The following KCNH6 variants were observed in gnomAD, a reference collection of about 807,000 sequenced individuals.
The protein encoded by KCNH6 is potassium voltage-gated channel subfamily H member 6.
KCNH6 carries 81 observed loss-of-function variants against 83.4 expected under a neutral mutation model. That is an observed-to-expected ratio of 0.97 (90% CI 0.81 to 1.17). The LOEUF is 1.17. Among genes scored for constraint, KCNH6 ranks in the 50% most tolerant of loss-of-function variants. The pLI, the probability that KCNH6 is intolerant of heterozygous loss-of-function variation, is 0.00. For missense variants in KCNH6, 1,203 were observed against 1,290.5 expected, an observed-to-expected ratio of 0.93 and a Z score of 1.04; for synonymous variants, 503 against 545.6, an observed-to-expected ratio of 0.92 and a Z score of 1.09.
rs1477137391 is a variant in KCNH6, at chr17:63,523,419, G to A, written c.6G>A (p.Pro2=). The A allele has an allele frequency of 1.3e-6, 2 of 1,594,430 alleles. No individual in the cohort carries two copies. Among genetic ancestry groups the A allele is most frequent in the East Asian group, 2.4e-5 (1 of 41,912 alleles). Residue 2 remains proline (P), a synonymous_variant, in exon 1 of 13, where the codon CCG becomes CCA. Transcript: ENST00000314672. This position sits in a 1 kb window ranked among gnomAD's most constrained non-coding sequence, Gnocchi z 4.2. ...GCAGGGGCCGCGGCCGAAAGATGCC[G>A]GTCCGCAGGGGCCACGTCGCTCCCC... M[P]VRRGHVAPQN...
At position 63,523,592 on chromosome 17, in the gene KCNH6, G is replaced by A; in HGVS notation, c.76+103G>A. The stretch of plus-strand genomic sequence containing the variant: ...AACTTCTAACCGGGCAAGGTGGTGA[G>A]TGCCGGGTGCTGAATGAAAAATCCT... On this transcript the variant is annotated intron_variant, in intron 1 of 12. Coordinates refer to ENST00000314672, the MANE Select transcript of KCNH6 (RefSeq NM_001278919.2). The surrounding 1 kb of genome is among the most constrained non-coding windows in gnomAD (Gnocchi z 4.2). The A allele has an allele frequency of 2.0e-6, 2 of 1,020,824 alleles. No individual in the cohort carries two copies. Among genetic ancestry groups the A allele is most frequent in the Non-Finnish European group, 2.8e-6 (2 of 710,982 alleles). 63.2% of individuals were successfully genotyped at this position (1,020,824 alleles called of 1,614,324 possible). A position where few individuals can be genotyped will look rare whatever the true frequency, so the allele number is the denominator to read the frequency against.
Position 63,535,676 on chromosome 17 carries a change from C to T in KCNH6, c.1109C>T (p.Thr370Ile), listed in dbSNP as rs146210419. The T allele has an allele frequency of 6.4e-5, 102 of 1,603,218 alleles. No homozygotes were observed. In the African/African-American group the frequency reaches 1.2e-3, roughly 18 times the overall value. Residue 370 changes from threonine (T) to isoleucine (I), a missense_variant, in exon 6 of 13, where the codon ACC (threonine) becomes ATC (isoleucine). Coordinates refer to ENST00000314672, the MANE Select transcript of KCNH6 (RefSeq NM_001278919.2). The surrounding 1 kb of genome is among the most constrained non-coding windows in gnomAD (Gnocchi z 4.9). ...IFRTGSDETTTLIGLLKTARL... is the reference protein window; with the variant it reads ...IFRTGSDETTILIGLLKTARL... ...ATTTCCCTACCCCTCCAGACCACAA[C>T]CCTGATTGGGCTATTGAAGACAGCG... is the stretch of plus-strand genomic sequence containing the variant.
At chr17:63,541,782 G>A (rs1208447720) in intron 8 of KCNH6, among the ~76,000 whole-genome samples, 2 of 152,222 alleles carry the variant, frequency 1.3e-5, no homozygotes, top group East Asian at 1.9e-4. Context: ...CCACAATTGG[G>A]AGTGGGAAGA....
chr17:63,528,701 GC>G lies in KCNH6; in HGVS notation c.308-1386del, dbSNP rs1446103095. 2.6e-5 allele frequency among the ~76,000 whole-genome samples: 4 copies of G among 152,238 alleles called. No individual in the cohort carries two copies. In the East Asian group the frequency reaches 7.7e-4, roughly 29 times the overall value. Reference sequence around the variant, plus strand: ...CTTCTCATCTGCGTGGTCACCTGAGGCCCCTGCCCCCTGAGGATCCTGCCCT... The same window carrying G: ...CTTCTCATCTGCGTGGTCACCTGAGGCCCTGCCCCCTGAGGATCCTGCCCT... On this transcript the variant is annotated intron_variant, in intron 2 of 12. Transcript: ENST00000314672.
rs2033150397 is a variant in KCNH6, at chr17:63,546,474, C to G, written c.*572C>G. On this transcript the variant is annotated 3_prime_UTR_variant, in exon 13 of 13. Transcript: ENST00000314672. ...GAGGGGGCAGTGAAGAAAGAGGTTT[C>G]TGATCTACATGAGTACCTTGCTCTG... 1 of 153,784 alleles carries G rather than the reference C, an allele frequency of 6.5e-6. No individual in the cohort carries two copies. 9.5% of individuals were successfully genotyped at this position (153,784 alleles called of 1,614,324 possible).
At chr17:63,527,694 C>G (rs2031809072) in intron 2 of KCNH6, among the ~76,000 whole-genome samples, 1 of 152,178 alleles carries the variant, frequency 6.6e-6, no homozygotes, top group Non-Finnish European at 1.5e-5. Flanking sequence ...ACCATCCCTC[C>G]TGGGCATAAC....
intron 2 of KCNH6, among the ~76,000 whole-genome samples, chr17:63,525,291 T>C (rs2031632799): frequency 6.6e-6 from 1 of 152,194 alleles, no homozygotes; most frequent in African/African-American, 2.4e-5. Context: ...TTGCCCAAGA[T>C]CCCACTGCTA....
intron 2 of KCNH6, among the ~76,000 whole-genome samples, chr17:63,527,202 T>C (rs957077626): frequency 6.6e-6 from 1 of 152,164 alleles, no homozygotes; most frequent in Non-Finnish European, 1.5e-5. Flanking sequence ...ATGAGGAGGA[T>C]GGGACAAGGG....
chr17:63,548,085 G>A (rs1568093499), downstream of KCNH6, among the ~76,000 whole-genome samples: 1 of 151,808 alleles, frequency 6.6e-6, no homozygotes, highest in Non-Finnish European at 1.5e-5. Flanking sequence ...CTAACAGGGT[G>A]AAACCCCATC....
rs749607532 is a variant in KCNH6, at chr17:63,538,303, G to GC, written c.1701+39_1701+40insC. ...CTCCGGCTAATGCCCCGGGCGTGGGGGGGAGCCAAGATCCTGCGGGGGCGG... is the reference window on the plus strand; with the variant it reads ...CTCCGGCTAATGCCCCGGGCGTGGGGCGGGAGCCAAGATCCTGCGGGGGCGG... On this transcript the variant is annotated intron_variant, in intron 7 of 12. Transcript: ENST00000314672. The surrounding 1 kb of genome is among the most constrained non-coding windows in gnomAD (Gnocchi z 4.0). 33 of 1,612,340 alleles carry GC rather than the reference G, an allele frequency of 2.0e-5. No individual in the cohort carries two copies. The East Asian group carries it at 6.2e-4, about 31-fold the overall frequency.
At chr17:63,536,731 C>T (rs1157494693) in intron 6 of KCNH6, among the ~76,000 whole-genome samples, 3 of 151,556 alleles carry the variant, frequency 2.0e-5, no homozygotes, top group Non-Finnish European at 4.4e-5. Context: ...CCGAGGTGGG[C>T]GGATCATGAG....
At chr17:63,544,495 G>C in intron 11 of KCNH6, 84 bp downstream of exon 11, 2 of 1,269,412 alleles carry the variant, frequency 1.6e-6, no homozygotes, top group East Asian at 2.8e-5. Context: ...TGCCAGGTGG[G>C]TTTTAGAATG....
downstream of KCNH6, among the ~76,000 whole-genome samples, chr17:63,547,174 T>C (rs891562121): frequency 7.2e-5 from 11 of 152,086 alleles, no homozygotes; most frequent in Admixed American, 4.6e-4. Flanking sequence ...TGGTTACAGG[T>C]GTTCAGGTTG....
At chr17:63,537,909 G>C (rs970267797) in intron 6 of KCNH6, among the ~76,000 whole-genome samples, 156 bp from the exon 7 acceptor site, 3 of 152,206 alleles carry the variant, frequency 2.0e-5, no homozygotes, top group Admixed American at 6.5e-5. Flanking sequence ...CCTTTGTCCC[G>C]CATGTGCCCT....
rs4465659 is a variant in KCNH6, at chr17:63,538,010, T to G, written c.1502-55T>G. On this transcript the variant is annotated intron_variant, in intron 6 of 12. Transcript: ENST00000314672. This position sits in a 1 kb window ranked among gnomAD's most constrained non-coding sequence, Gnocchi z 4.0. ...AAGGAGGAAGACCTGGGTAAGCCCTTGGTGGTGTGGCCCAGTGGGGCCGCG... is the reference window on the plus strand; with the variant it reads ...AAGGAGGAAGACCTGGGTAAGCCCTGGGTGGTGTGGCCCAGTGGGGCCGCG... The G allele has an allele frequency of 0.58, 893,005 of 1,551,768 alleles. 262,404 individuals are homozygous for G. The highest frequency in any genetic ancestry group is 0.77 in the African/African-American group (56,542 of 73,504).
intron 4 of KCNH6, among the ~76,000 whole-genome samples, chr17:63,531,583 A>C (rs2032114344): frequency 6.6e-6 from 1 of 152,182 alleles, no homozygotes; most frequent in Non-Finnish European, 1.5e-5. Flanking sequence ...TGTGGGGAAG[A>C]CCACTCAGCA....
chr17:63,542,446 C>G lies in KCNH6; in HGVS notation c.2148+12C>G. 1 of 1,611,666 alleles carries G rather than the reference C, an allele frequency of 6.2e-7. No homozygotes were observed. The highest frequency in any genetic ancestry group is 8.5e-7 in the Non-Finnish European group (1 of 1,178,380). On this transcript the variant is annotated intron_variant, in intron 9 of 12. Transcript: ENST00000314672. ...TCAACCTGCGGGACGTGAGTCAGGG[C>G]CAGGTGGGCCAGGGTGGGTGGAAAT...
intron 4 of KCNH6, among the ~76,000 whole-genome samples, chr17:63,531,880 C>T (rs1364645121): frequency 6.6e-6 from 1 of 152,224 alleles, no homozygotes; most frequent in African/African-American, 2.4e-5. Context: ...GTGTCACTCC[C>T]CTGCTCCATG....
At chr17:63,540,707 C>G (rs1405177409) in intron 8 of KCNH6, among the ~76,000 whole-genome samples, 1 of 152,160 alleles carries the variant, frequency 6.6e-6, no homozygotes, top group African/African-American at 2.4e-5. Context: ...ATCCTGTTCT[C>G]TTGTGGGGAC....
Sources: allele counts gnomAD v4.1 joint callset (sites outside exome capture counted in the v4.1 genomes callset), GRCh38; gene constraint gnomAD v4.1.1; non-coding constraint Gnocchi (gnomAD v3.1); transcripts MANE v1.5; gene names NCBI Gene and HGNC (gene_info 2026-07-23, HGNC 2026-07-21).